Variants in KLHL1 observed in about 807,000 individuals in gnomAD.
The protein encoded by KLHL1 is kelch-like protein 1.
A neutral mutation model predicts 77.7 loss-of-function variants in KLHL1; 47 were observed. The observed-to-expected ratio is 0.60, with a 90% CI of 0.48 to 0.77. The LOEUF is 0.77. Ranked by LOEUF, KLHL1 falls within the 30% of genes least tolerant of loss-of-function variation. The pLI is 0.00. For synonymous variants in KLHL1, 360 were observed against 325.2 expected (o/e 1.11, Z -1.15); for missense variants, 925 against 910.8 (o/e 1.02, Z -0.20).
chr13:69,764,231 C>A (rs1262043612), intron 7 of KLHL1, among the ~76,000 whole-genome samples: 3 of 152,180 alleles, frequency 2.0e-5, no homozygotes, highest in Non-Finnish European at 4.4e-5. Flanking sequence ...ACTGTTAAAA[C>A]CATGTTTAAA....
intron 4 of KLHL1, among the ~76,000 whole-genome samples, chr13:69,909,182 T>C (rs1038089789): frequency 6.6e-6 from 1 of 151,474 alleles, no homozygotes; most frequent in Non-Finnish European, 1.5e-5. Context: ...AGAGAGAAAG[T>C]GGAATATATT....
At chr13:69,907,443 A>G (rs1882079195) in intron 4 of KLHL1, among the ~76,000 whole-genome samples, 1 of 151,974 alleles carries the variant, frequency 6.6e-6, no homozygotes, top group Admixed American at 6.6e-5. Context: ...AATTTTAAGA[A>G]TTTATATATT....
chr13:69,919,103 G>T (rs1882542914), intron 4 of KLHL1, among the ~76,000 whole-genome samples: 1 of 151,896 alleles, frequency 6.6e-6, no homozygotes, highest in South Asian at 2.1e-4. Flanking sequence ...GTCTAATTCG[G>T]CATTTTGCCT....
rs1034778599 is a variant in KLHL1, at chr13:69,874,457, GTAGTT to G, written c.1227+7821_1227+7825del. Among the ~76,000 whole-genome samples, 68 of 152,176 alleles carry G rather than the reference GTAGTT, an allele frequency of 4.5e-4. 1 individual carries two copies. Among genetic ancestry groups the G allele is most frequent in the African/African-American group, 1.5e-3 (63 of 41,530 alleles). On this transcript the variant is annotated intron_variant, in intron 5 of 10. Transcript: ENST00000377844. ...CAATATCTCCACTTAAAATATTAAA[GTAGTT>G]TAATTAATTCAGTTTTCCAAAATCT...
At chr13:69,972,186 T>C (rs1006078623) in intron 2 of KLHL1, among the ~76,000 whole-genome samples, 4 of 151,988 alleles carry the variant, frequency 2.6e-5, no homozygotes, top group African/African-American at 4.8e-5. Flanking sequence ...TTATATATGT[T>C]GTTTAGGTAA....
chr13:69,805,403 A>T lies in KLHL1; in HGVS notation c.1415-8441T>A, dbSNP rs549185826. On this transcript the variant is annotated intron_variant, in intron 6 of 10. Coordinates refer to ENST00000377844, the MANE Select transcript of KLHL1 (RefSeq NM_020866.3). ...AAAGAAGTCTACTTCTTGGCTCATA[A>T]CCAAGGAAACAAAGAATATAGAACA... Among the ~76,000 whole-genome samples the T allele has an allele frequency of 1.6e-3, 244 of 152,118 alleles. 1 individual carries two copies. The highest frequency in any genetic ancestry group is 0.014 in the Middle Eastern group (4 of 292).
chr13:69,740,359 T>G (rs1046406398), intron 8 of KLHL1, 35 bp downstream of exon 8: 2 of 1,442,326 alleles, frequency 1.4e-6, no homozygotes, highest in Non-Finnish European at 1.9e-6. Flanking sequence ...TAACTTTTTT[T>G]CTAAGATTAA....
chr13:69,782,958 C>G (rs904549348), intron 7 of KLHL1, among the ~76,000 whole-genome samples: 40 of 152,172 alleles, frequency 2.6e-4, no homozygotes, highest in Non-Finnish European at 1.3e-4. Context: ...TCCTCTGAGA[C>G]AAAACTTCCA....
chr13:69,961,826 T>A (rs1381098987), intron 2 of KLHL1, among the ~76,000 whole-genome samples: 1 of 91,204 alleles, frequency 1.1e-5, no homozygotes, highest in Non-Finnish European at 2.5e-5. Context: ...ATTTCTATTA[T>A]GTTTTATTTG....
At chr13:69,756,835 G>A (rs1874766234) in intron 7 of KLHL1, among the ~76,000 whole-genome samples, 1 of 152,068 alleles carries the variant, frequency 6.6e-6, no homozygotes, top group Admixed American at 6.6e-5. Context: ...ATCCACATGT[G>A]AACAGTTAGT....
chr13:69,882,476 A>G lies in KLHL1; in HGVS notation c.1034T>C (p.Ile345Thr). ...SYTMENIMEVIRNQEFLLLPA... is the reference protein window; with the variant it reads ...SYTMENIMEVTRNQEFLLLPA... Reference sequence around the variant, plus strand: ...AAGGAGTAAAAACTCTTGATTTCTGATAACTTCCATTATGTTTTCCTGCAG... The same window carrying G: ...AAGGAGTAAAAACTCTTGATTTCTGGTAACTTCCATTATGTTTTCCTGCAG... Residue 345 changes from isoleucine to threonine, a missense_variant, in exon 5 of 11, where the codon ATC becomes ACC. Transcript: ENST00000377844. 1 of 1,612,812 alleles carries G rather than the reference A, an allele frequency of 6.2e-7. No individual in the cohort carries two copies. The highest frequency in any genetic ancestry group is 8.5e-7 in the Non-Finnish European group (1 of 1,178,848).
chr13:69,885,004 A>G (rs1438877016), intron 4 of KLHL1, among the ~76,000 whole-genome samples: 2 of 127,808 alleles, frequency 1.6e-5, no homozygotes, highest in Non-Finnish European at 3.1e-5. Context: ...GCAGTGGCGC[A>G]ATCTCGGCTC....
At chr13:69,789,017 CTCTATCTATCTATCTA>C (rs10542087) in intron 7 of KLHL1, among the ~76,000 whole-genome samples, 278 of 150,504 alleles carry the variant, frequency 1.8e-3, no homozygotes, top group East Asian at 0.017. Flanking sequence ...CTCCACAGGA[CTCTATCTATCTATCTA>C]TCTATCTATC....
chr13:69,989,152 G>A (rs1566477071), intron 1 of KLHL1, among the ~76,000 whole-genome samples: 1 of 151,954 alleles, frequency 6.6e-6, no homozygotes, highest in Non-Finnish European at 1.5e-5. Flanking sequence ...TGTAAGGAAG[G>A]GGTCCAGTAT....
At chr13:69,994,351 T>C (rs1885097649) in intron 1 of KLHL1, among the ~76,000 whole-genome samples, 1 of 152,124 alleles carries the variant, frequency 6.6e-6, no homozygotes, top group Admixed American at 6.6e-5. Context: ...CCTTCTTTGA[T>C]TGCAGAAGCA....
At chr13:69,716,982 T>C (rs1026934321) in intron 9 of KLHL1, among the ~76,000 whole-genome samples, 1 of 152,030 alleles carries the variant, frequency 6.6e-6, no homozygotes, top group Non-Finnish European at 1.5e-5. Flanking sequence ...TTAGTTTTCA[T>C]CTGTTCCATA....
rs192815401 is a variant in KLHL1 at position 69,988,005 on chromosome 13, T to C, written c.498-12203A>G. On this transcript the variant is annotated intron_variant, in intron 1 of 10. Transcript: ENST00000377844. ...CAGTGGTACATGTTCAGGCTTGTTA[T>C]AGAGGCGAACTCATGACTCGAGGGT... is the stretch of plus-strand genomic sequence containing the variant. Among the ~76,000 whole-genome samples, 81 of 152,116 alleles carry C rather than the reference T, an allele frequency of 5.3e-4. 1 individual carries two copies. Among genetic ancestry groups the C allele is most frequent in the Admixed American group, 4.7e-3 (71 of 15,244 alleles).
intron 1 of KLHL1, among the ~76,000 whole-genome samples, chr13:70,070,730 A>C (rs1312415179): frequency 6.6e-6 from 1 of 152,116 alleles, no homozygotes; most frequent in Non-Finnish European, 1.5e-5. Flanking sequence ...GCAACACTGT[A>C]TTTGTTGGTT....
chr13:69,882,634 A>T, intron 4 of KLHL1, 139 bp from the exon 5 acceptor site: 2 of 626,632 alleles, frequency 3.2e-6, no homozygotes, highest in Non-Finnish European at 5.6e-6. Flanking sequence ...TTCAGAAACT[A>T]GAGGCTGTTA....
Sources: gnomAD v4.1 joint callset for allele counts (sites outside exome capture counted in the v4.1 genomes callset) on GRCh38, gnomAD v4.1.1 for gene constraint, MANE v1.5 for transcripts, NCBI Gene and HGNC (gene_info 2026-07-23, HGNC 2026-07-21) for gene names.